Variants in DAB1 observed in about 807,000 individuals in gnomAD.
DAB1 encodes DAB adaptor protein 1.
Under a neutral mutation model 64.6 loss-of-function variants are expected in DAB1, and 15 were observed. That is an observed-to-expected ratio of 0.23 (90% CI 0.16 to 0.36). The LOEUF (loss-of-function observed/expected upper bound fraction) is 0.36, where lower values mean the gene tolerates loss of function less well. Ranked by LOEUF, DAB1 falls within the 10% of genes least tolerant of loss-of-function variation. The probability of loss-of-function intolerance (pLI) is 1.00; values close to 1 mark genes in which losing one functional copy is unlikely to be tolerated. For missense variants in DAB1, 596 were observed against 706.7 expected, an observed-to-expected ratio of 0.84 and a Z score of 1.78; for synonymous variants, 235 against 251.9, an observed-to-expected ratio of 0.93 and a Z score of 0.64.
At chr1:58,516,103 C>T (rs1167769762) in intron 2 of DAB1, among the ~76,000 whole-genome samples, 2 of 152,140 alleles carry the variant, frequency 1.3e-5, no homozygotes, top group African/African-American at 4.8e-5. Flanking sequence ...GAGTGCTTTC[C>T]AGGCCACTAT....
At chr1:57,364,890 G>A (rs969265707) in intron 1 of DAB1, among the ~76,000 whole-genome samples, 10 of 148,828 alleles carry the variant, frequency 6.7e-5, no homozygotes, top group Non-Finnish European at 1.5e-4. Flanking sequence ...AAGACCTTAA[G>A]GAAATAACAC....
intron 10 of DAB1, among the ~76,000 whole-genome samples, chr1:57,025,198 C>A (rs1646745566): frequency 6.6e-6 from 1 of 152,224 alleles, no homozygotes. Flanking sequence ...GGGGCCATCT[C>A]GGCTCTTTTC....
At chr1:58,330,507 T>C (rs1001154278) in intron 4 of DAB1, among the ~76,000 whole-genome samples, 1 of 152,212 alleles carries the variant, frequency 6.6e-6, no homozygotes, top group Non-Finnish European at 1.5e-5. Context: ...TAGCTTTCTA[T>C]TGGGAGAAAG....
chr1:57,296,874 G>A (rs577258339), intron 1 of DAB1, among the ~76,000 whole-genome samples: 4 of 152,090 alleles, frequency 2.6e-5, no homozygotes, highest in African/African-American at 7.2e-5. Flanking sequence ...TGCTAAGTCC[G>A]GGAAAAATTT....
At chr1:57,444,679 A>G (rs1354559912) in intron 7 of DAB1, among the ~76,000 whole-genome samples, 1 of 152,222 alleles carries the variant, frequency 6.6e-6, no homozygotes, top group African/African-American at 2.4e-5. Flanking sequence ...AGGTAATGTG[A>G]CTGCAGAGGC....
chr1:58,485,230 A>C (rs1372151614), intron 3 of DAB1, among the ~76,000 whole-genome samples: 1 of 117,272 alleles, frequency 8.5e-6, no homozygotes, highest in Non-Finnish European at 1.9e-5. Flanking sequence ...TCTACTACTA[A>C]AAAAAAAAAA....
At chr1:58,266,639 G>A (rs1283750916) in intron 4 of DAB1, among the ~76,000 whole-genome samples, 1 of 152,118 alleles carries the variant, frequency 6.6e-6, no homozygotes, top group Non-Finnish European at 1.5e-5. Context: ...TCTAACATTT[G>A]CATGCAGTTT....
chr1:58,233,341 G>A (rs146555096), intron 4 of DAB1, among the ~76,000 whole-genome samples: 43 of 152,298 alleles, frequency 2.8e-4, no homozygotes, highest in Admixed American at 1.3e-3. Flanking sequence ...GGGAATACTA[G>A]AAGCATGTGA....
At chr1:58,199,118 AC>A (rs1657855903) in intron 4 of DAB1, among the ~76,000 whole-genome samples, 1 of 152,198 alleles carries the variant, frequency 6.6e-6, no homozygotes. Context: ...AAAACAAAAA[AC>A]AAAAAACAAA....
intron 5 of DAB1, among the ~76,000 whole-genome samples, chr1:58,090,512 G>T (rs1210128500): frequency 1.3e-5 from 2 of 152,182 alleles, no homozygotes; most frequent in African/African-American, 4.8e-5. Context: ...ATCTGCTGGG[G>T]TTTACATTTA....
At chr1:57,881,536 A>G (rs1478405678) in intron 1 of DAB1, among the ~76,000 whole-genome samples, 2 of 152,236 alleles carry the variant, frequency 1.3e-5, no homozygotes, top group African/African-American at 2.4e-5. Context: ...TTCCTTATCT[A>G]TAAATCAGAT....
intron 7 of DAB1, among the ~76,000 whole-genome samples, chr1:57,649,360 C>T (rs935675076): frequency 6.6e-6 from 1 of 152,124 alleles, no homozygotes; most frequent in South Asian, 2.1e-4. Context: ...AAAGAAAAGA[C>T]AAAAGAGAAC....
intron 1 of DAB1, among the ~76,000 whole-genome samples, chr1:57,875,772 C>G (rs1202784): frequency 6.6e-6 from 1 of 152,130 alleles, no homozygotes; most frequent in African/African-American, 2.4e-5. Context: ...CAAGCCATCA[C>G]GTTGGCCTGG....
At chr1:57,626,241 G>A (rs1558553226) in intron 7 of DAB1, among the ~76,000 whole-genome samples, 1 of 152,146 alleles carries the variant, frequency 6.6e-6, no homozygotes, top group Non-Finnish European at 1.5e-5. Flanking sequence ...GCTGGTGAAG[G>A]TTTCTAAGGA....
chr1:58,225,195 A>G (rs4462170), intron 4 of DAB1, among the ~76,000 whole-genome samples: 45,904 of 150,604 alleles, frequency 0.3, 7,257 homozygotes, highest in East Asian at 0.45. Flanking sequence ...TATGCAGCCA[A>G]AAGACACATG....
At chr1:58,388,744 T>C (rs1263188442) in intron 3 of DAB1, among the ~76,000 whole-genome samples, 1 of 152,190 alleles carries the variant, frequency 6.6e-6, no homozygotes, top group Non-Finnish European at 1.5e-5. Context: ...AGAGAAGTGT[T>C]ACAGTGCATT....
At chr1:57,372,590 G>GCA (rs200900273) in intron 1 of DAB1, among the ~76,000 whole-genome samples, 4,644 of 152,064 alleles carry the variant, frequency 0.031, 121 homozygotes, top group Non-Finnish European at 0.044. Flanking sequence ...GCATGTTTTG[G>GCA]CACACAAGCT....
At chr1:57,749,259 G>A (rs1314938553) in intron 6 of DAB1, among the ~76,000 whole-genome samples, 1 of 152,196 alleles carries the variant, frequency 6.6e-6, no homozygotes, top group South Asian at 2.1e-4. Context: ...TGAAACTAAG[G>A]CTCAGAGTGG....
At chr1:57,456,088 C>A (rs1686580749) in intron 7 of DAB1, among the ~76,000 whole-genome samples, 1 of 152,158 alleles carries the variant, frequency 6.6e-6, no homozygotes. Flanking sequence ...CATTAGGACT[C>A]ATTTCCCTGT....
Sources: allele counts gnomAD v4.1 joint callset (sites outside exome capture counted in the v4.1 genomes callset), GRCh38; gene constraint gnomAD v4.1.1; transcripts MANE v1.5; gene names NCBI Gene and HGNC (gene_info 2026-07-23, HGNC 2026-07-21).